The following DNAH17 variants were observed in gnomAD, a reference collection of about 807,000 sequenced individuals.
DNAH17 encodes the protein axonemal beta dynein heavy chain 17.
In DNAH17, 376 loss-of-function variants were observed where a neutral mutation model predicts 485.6. The observed-to-expected ratio is 0.77, with a 90% CI of 0.71 to 0.84. DNAH17 has a LOEUF of 0.84. Among genes scored for constraint, DNAH17 ranks in the 40% least tolerant of loss-of-function variants. The probability of loss-of-function intolerance (pLI) is 0.00; values close to 1 mark genes in which losing one functional copy is unlikely to be tolerated. For missense variants in DNAH17, 6,370 were observed against 5,839.3 expected (o/e 1.09, Z -2.96); for synonymous variants, 3,031 against 2,405.9 (o/e 1.26, Z -7.60).
chr17:78,539,763 A>G lies in DNAH17; in HGVS notation c.2650T>C (p.Phe884Leu), dbSNP rs2091471756. ...TCTATAACCATGTTGTCCATTAGGA[A>G]ACTCAGAGATTTGCGAATGAACTGG... is the stretch of plus-strand genomic sequence containing the variant. ...FDQFIRKSLS[F>L]LMDNMVIDES... Residue 884 changes from phenylalanine (F) to leucine (L), a missense_variant, in exon 18 of 81, where the codon TTC becomes CTC. Physicochemically the swap from Phe to Leu is conservative, Grantham distance 22 (BLOSUM62 0). Transcript: ENST00000389840. The G allele has an allele frequency of 1.2e-6, 2 of 1,611,500 alleles. No individual in the cohort carries two copies. The highest frequency in any genetic ancestry group is 1.7e-6 in the Non-Finnish European group (2 of 1,179,362).
intron 9 of DNAH17, among the ~76,000 whole-genome samples, chr17:78,568,856 TA>T (rs1466825962): frequency 6.6e-6 from 1 of 152,188 alleles, no homozygotes; most frequent in African/African-American, 2.4e-5. Flanking sequence ...TGAGTCCCAC[TA>T]AGTGACTGCT....
In DNAH17 at chr17:78,544,824, AG is replaced by A. The variant is rs2091711456; in HGVS notation, c.2392-828del. On this transcript the variant is annotated intron_variant, in intron 16 of 80. Transcript: ENST00000389840. ...TCAAAAAAAAAAAAAAAAAAAAAAAAGGTGGGGGTGGTGGCCACTTTTAATT... is the reference window on the plus strand; with the variant it reads ...TCAAAAAAAAAAAAAAAAAAAAAAAAGTGGGGGTGGTGGCCACTTTTAATT... 9.5e-5 allele frequency among the ~76,000 whole-genome samples: 14 copies of A among 146,976 alleles called. No homozygotes were observed. The South Asian group carries it at 2.2e-3, about 23-fold the overall frequency.
rs775593579 is a variant in DNAH17, at chr17:78,437,716, G to A, written c.11958C>T (p.Asn3986=). ...THIIPQGILE[N]AIKITNEPPT... ...GGGGCTCGTTGGTGATCTTGATGGC[G>A]TTCTCCAGAATGCCCTGGGGGATGA... Residue 3986 remains asparagine (N), a synonymous_variant, in exon 74 of 81, where the codon AAC becomes AAT. Transcript: ENST00000389840. 2.7e-5 allele frequency: 44 copies of A among 1,612,348 alleles called. No individual in the cohort carries two copies. Among genetic ancestry groups the A allele is most frequent in the Non-Finnish European group, 3.3e-5 (39 of 1,179,742 alleles).
In DNAH17 at chr17:78,514,803, G is replaced by A; in HGVS notation, c.4084C>T (p.His1362Tyr). The A allele has an allele frequency of 6.2e-7, 1 of 1,614,050 alleles. No homozygotes were observed. Among genetic ancestry groups the A allele is most frequent in the Non-Finnish European group, 8.5e-7 (1 of 1,179,902 alleles). The change falls in exon 26 of 81, where the codon CAC (histidine) becomes TAC (tyrosine). Residue 1362 changes from histidine to tyrosine, a missense_variant. Transcript: ENST00000389840. Reference protein sequence around the residue: ...ELQNPAIRERHWQQLMQATQV... With the variant: ...ELQNPAIRERYWQQLMQATQV... The stretch of plus-strand genomic sequence containing the variant: ...GTGGCCTGCATGAGCTGCTGCCAGT[G>A]GCGTTCCCGAATGGCAGGGTTCTGC...
intron 56 of DNAH17, among the ~76,000 whole-genome samples, chr17:78,463,499 C>T (rs545636184): frequency 4.6e-5 from 7 of 152,126 alleles, no homozygotes; most frequent in South Asian, 4.1e-4. Context: ...TATATATACA[C>T]GTGCATATGC....
At position 78,552,812 on chromosome 17, in the gene DNAH17, A is replaced by C; in HGVS notation, c.2179-7T>G. The stretch of plus-strand genomic sequence containing the variant: ...CCTTCACTATAGTCTTTATCTGAAA[A>C]ACAGAGGTGACAGGTTTTGTTCCGA... On this transcript the variant is annotated splice_polypyrimidine_tract_variant and splice_region_variant and intron_variant, in intron 14 of 80. Transcript: ENST00000389840. 1 of 1,590,926 alleles carries C rather than the reference A, an allele frequency of 6.3e-7. No individual in the cohort carries two copies. Among genetic ancestry groups the C allele is most frequent in the East Asian group, 2.2e-5 (1 of 44,762 alleles).
intron 30 of DNAH17, 121 bp downstream of exon 30, chr17:78,506,599 G>T: frequency 1.4e-6 from 2 of 1,438,902 alleles, no homozygotes; most frequent in Non-Finnish European, 9.4e-7. Context: ...AGGGCCTCCT[G>T]GAGATGATGG....
intron 16 of DNAH17, among the ~76,000 whole-genome samples, chr17:78,550,570 C>G (rs1008568374): frequency 6.6e-6 from 1 of 152,140 alleles, no homozygotes; most frequent in African/African-American, 2.4e-5. Flanking sequence ...GAGGGAGGAC[C>G]CTGTGAAGCC....
intron 56 of DNAH17, among the ~76,000 whole-genome samples, chr17:78,465,250 G>A (rs1179237279): frequency 6.6e-6 from 1 of 152,124 alleles, no homozygotes; most frequent in Non-Finnish European, 1.5e-5. Context: ...TGCCCAGGCT[G>A]GAGTGCAGTG....
At chr17:78,567,282 G>A in intron 9 of DNAH17, 116 bp from the exon 10 acceptor site, 2 of 1,054,408 alleles carry the variant, frequency 1.9e-6, no homozygotes, top group Non-Finnish European at 2.8e-6. Context: ...GTCCCCAGGA[G>A]ACACCAACCA....
chr17:78,543,687 A>C, intron 17 of DNAH17, 170 bp downstream of exon 17: 1 of 964,482 alleles, frequency 1.0e-6, no homozygotes, highest in Non-Finnish European at 1.6e-6. Flanking sequence ...AGCCTCCCAG[A>C]GTGCTGGGAT....
intron 37 of DNAH17, 73 bp from the exon 38 acceptor site, chr17:78,496,105 AT>A: frequency 6.7e-7 from 1 of 1,484,878 alleles, no homozygotes; most frequent in Non-Finnish European, 9.0e-7. Context: ...GCCTTCACAT[AT>A]GTTAAAGCAT....
intron 34 of DNAH17, 136 bp downstream of exon 34, chr17:78,501,606 G>A (rs2090292732): frequency 3.0e-6 from 4 of 1,314,722 alleles, no homozygotes; most frequent in Non-Finnish European, 4.2e-6. Context: ...AAGGAGGTTA[G>A]GAGGCAGCTG....
chr17:78,532,372 C>G, intron 20 of DNAH17, 110 bp downstream of exon 20: 1 of 1,421,764 alleles, frequency 7.0e-7, no homozygotes. Context: ...CTTGCCCTAC[C>G]TGGAAACCTG....
chr17:78,549,551 G>A (rs755860393), intron 16 of DNAH17, among the ~76,000 whole-genome samples: 6 of 152,142 alleles, frequency 3.9e-5, no homozygotes, highest in Non-Finnish European at 7.4e-5. Flanking sequence ...CCCAACTACC[G>A]GGCTTCAGCA....
rs1598651535 is a variant in DNAH17 at position 78,530,361 on chromosome 17, C to T, written c.3266G>A (p.Ser1089Asn). 1.2e-6 allele frequency: 2 copies of T among 1,610,014 alleles called. No individual in the cohort carries two copies. Among genetic ancestry groups the T allele is most frequent in the South Asian group, 2.2e-5 (2 of 90,938 alleles). ...RWGFMFKRHL[S>N]NHVTNSLADL... ...GACCCACCTGTTGGTGACGTGGTTG[C>T]TCAGGTGCCGCTTGAACATGAAGCC... The change falls in exon 21 of 81, where the codon AGC becomes AAC. Residue 1089 changes from serine (S) to asparagine (N), a missense_variant. Physicochemically the swap from Ser to Asn is conservative, Grantham distance 46. Coordinates refer to ENST00000389840, the MANE Select transcript of DNAH17 (RefSeq NM_173628.4).
chr17:78,557,811 T>C (rs554891798), intron 14 of DNAH17, among the ~76,000 whole-genome samples: 139 of 152,114 alleles, frequency 9.1e-4, no homozygotes, highest in Non-Finnish European at 1.4e-3. Context: ...AATTCTGTTC[T>C]GCTTGGAGAT....
chr17:78,444,582 C>T (rs1166926504), intron 71 of DNAH17, 22 bp downstream of exon 71: 5 of 1,532,986 alleles, frequency 3.3e-6, no homozygotes, highest in South Asian at 2.4e-5. Flanking sequence ...GGGCGGGGCC[C>T]CCGGCGCGGC....
At chr17:78,478,169 CATCACCATCATCACCATT>C (rs2089158388) in intron 51 of DNAH17, among the ~76,000 whole-genome samples, 1 of 135,632 alleles carries the variant, frequency 7.4e-6, no homozygotes, top group African/African-American at 3.0e-5. Flanking sequence ...ACCACCATAA[CATCACCATCATCACCATT>C]ATCACCATCA....
Sources: gnomAD v4.1 joint callset for allele counts (sites outside exome capture counted in the v4.1 genomes callset) on GRCh38, gnomAD v4.1.1 for gene constraint, MANE v1.5 for transcripts, NCBI Gene and HGNC (gene_info 2026-07-23, HGNC 2026-07-21) for gene names.